Variants in KMT2D observed in about 807,000 individuals in gnomAD.
KMT2D encodes histone-lysine N-methyltransferase 2D.
A neutral mutation model predicts 512.7 loss-of-function variants in KMT2D; 55 were observed. That is an observed-to-expected ratio of 0.11 (90% CI 0.09 to 0.13). The LOEUF (loss-of-function observed/expected upper bound fraction) is 0.13. Ranked by LOEUF, KMT2D falls within the 10% of genes least tolerant of loss-of-function variation. The pLI is 1.00. For missense variants in KMT2D, 6,061 were observed against 7,127.9 expected (o/e 0.85, Z 5.39); for synonymous variants, 2,995 against 2,904.0 (o/e 1.03, Z -1.01).
In KMT2D at chr12:49,039,284, G is replaced by A. The variant is rs369611929; in HGVS notation, c.8304C>T (p.Ser2768=). The A allele has an allele frequency of 1.0e-4, 165 of 1,613,566 alleles. No homozygotes were observed. The highest frequency in any genetic ancestry group is 1.3e-4 in the Non-Finnish European group (153 of 1,179,878). ...GAGGTGGCCGGGAGAGTCGGTCATC[G>A]CTAGGGAAGGACCCTGGCCCCAGGA... ...GPILGPGSFP[S]DDRLSRPPPP... Residue 2768 remains serine (S), a synonymous_variant, in exon 34 of 55, where the codon AGC becomes AGT. Transcript: ENST00000301067. The surrounding 1 kb of genome is among the most constrained non-coding windows in gnomAD (Gnocchi z 5.0).
Position 49,031,983 on chromosome 12 carries a change from G to A in KMT2D, c.12722C>T (p.Pro4241Leu). The A allele has an allele frequency of 6.3e-7, 1 of 1,580,594 alleles. No homozygotes were observed. Among genetic ancestry groups the A allele is most frequent in the Non-Finnish European group, 8.6e-7 (1 of 1,160,790 alleles). Residue 4241 changes from proline to leucine, a missense_variant, in exon 40 of 55, where the codon CCA becomes CTA. Physicochemically the swap from Pro to Leu is moderately conservative, Grantham distance 98. Coordinates refer to ENST00000301067, the MANE Select transcript of KMT2D (RefSeq NM_003482.4). Reference sequence around the variant, plus strand: ...CTGGGTCCCAGGCTCCTGGTAGGGTGGGGTCTGGCGTACTGCCTGACTCTG... The same window carrying A: ...CTGGGTCCCAGGCTCCTGGTAGGGTAGGGTCTGGCGTACTGCCTGACTCTG... ...LQQSQAVRQTPPYQEPGTQTS... is the reference protein window; with the variant it reads ...LQQSQAVRQTLPYQEPGTQTS...
Position 49,049,878 on chromosome 12 carries a change from G to C in KMT2D, c.3710C>G (p.Ser1237Cys), listed in dbSNP as rs374437749. 6 of 1,613,774 alleles carry C rather than the reference G, an allele frequency of 3.7e-6. No individual in the cohort carries two copies. Among genetic ancestry groups the C allele is most frequent in the South Asian group, 1.1e-5 (1 of 91,086 alleles). The change falls in exon 12 of 55, where the codon TCC (serine) becomes TGC (cysteine). Residue 1237 changes from serine (S) to cysteine (C), a missense_variant. Around this residue, in one of 16 missense-constraint regions of KMT2D, gnomAD observed 447 missense variants for 500.1 expected, o/e 0.89. Coordinates refer to ENST00000301067, the MANE Select transcript of KMT2D (RefSeq NM_003482.4). Reference sequence around the variant, plus strand: ...AGAGACCCCCAACTCCATGGACAGGGAGCCACCCCCCTCCGGGTCTGGAGA... The same window carrying C: ...AGAGACCCCCAACTCCATGGACAGGCAGCCACCCCCCTCCGGGTCTGGAGA... ...LGSPDPEGGG[S>C]LSMELGVSTD... is the part of the protein sequence containing the mutation.
rs1054533530 is a variant in KMT2D at position 49,032,402 on chromosome 12, C to T, written c.12303G>A (p.Gln4101=). The T allele has an allele frequency of 1.3e-6, 2 of 1,599,042 alleles. No individual in the cohort carries two copies. Among genetic ancestry groups the T allele is most frequent in the South Asian group, 1.1e-5 (1 of 89,216 alleles). The change falls in exon 40 of 55, where the codon CAG becomes CAA. Residue 4101 remains glutamine (Q), a synonymous_variant. Transcript: ENST00000301067. ...LQPPLRLPGQ[Q]QQQVSLLHTA... is the part of the protein sequence containing the mutation. ...TGTGGAGCAGGCTAACTTGCTGCTG[C>T]TGTTGTCCTGGAAGCCTCAGAGGTG...
chr12:49,038,977 T>A lies in KMT2D; in HGVS notation c.8379A>T (p.Gly2793=), dbSNP rs1215420905. The change falls in exon 35 of 55, where the codon GGA becomes GGT. Residue 2793 remains glycine, a synonymous_variant. Coordinates refer to ENST00000301067, the MANE Select transcript of KMT2D (RefSeq NM_003482.4). This position sits in a 1 kb window ranked among gnomAD's most constrained non-coding sequence, Gnocchi z 5.7. The part of the protein sequence containing the change: ...SMDVNSRQLV[G]GSQAFYQRAP... ...CTCGCTGATAGAAAGCTTGGGAGCC[T>A]CCTACCAGTTGCCTGGAAGAATATA... The A allele has an allele frequency of 6.4e-7, 1 of 1,551,750 alleles. No individual in the cohort carries two copies. Among genetic ancestry groups the A allele is most frequent in the Admixed American group, 2.0e-5 (1 of 51,014 alleles).
rs865773998 is a variant in KMT2D, at chr12:49,032,029, G to A, written c.12676C>T (p.Leu4226Phe). 1 of 1,611,912 alleles carries A rather than the reference G, an allele frequency of 6.2e-7. No individual in the cohort carries two copies. The highest frequency in any genetic ancestry group is 1.7e-5 in the Admixed American group (1 of 59,942). The change falls in exon 40 of 55, where the codon CTC (leucine) becomes TTC (phenylalanine). Residue 4226 changes from leucine to phenylalanine, a missense_variant. This residue lies in a region of KMT2D where 1,600 missense variants were observed against 1,754.9 expected (regional missense o/e 0.91). Coordinates refer to ENST00000301067, the MANE Select transcript of KMT2D (RefSeq NM_003482.4). ...PQQQQQLQAL[L>F]MQRQLQQSQA... ...CTCTGCTGCAGCTGCCGCTGCATGA[G>A]GAGTGCCTGTAGCTGCTGCTGCTGC... is the stretch of plus-strand genomic sequence containing the variant.
Position 49,046,245 on chromosome 12 carries a change from A to G in KMT2D, c.4583+15T>C, listed in dbSNP as rs2120603269. The G allele has an allele frequency of 6.2e-7, 1 of 1,613,952 alleles. No homozygotes were observed. The highest frequency in any genetic ancestry group is 8.5e-7 in the Non-Finnish European group (1 of 1,179,836). ...TGGCAACAGGGCCAAAGTGAGGAGA[A>G]AGGGATGTTCTCACCGTTCACAGTG... is the stretch of plus-strand genomic sequence containing the variant. On this transcript the variant is annotated intron_variant, in intron 17 of 54. Coordinates refer to ENST00000301067, the MANE Select transcript of KMT2D (RefSeq NM_003482.4). This position sits in a 1 kb window ranked among gnomAD's most constrained non-coding sequence, Gnocchi z 4.2.
chr12:49,018,997 T>G lies in KMT2D; in HGVS notation c.*2783A>C. ...CGCTTGTATTTAAAATGTTCTTTTT[T>G]TATTTGTCGTTTAAAAACAAACTTG... On this transcript the variant is annotated 3_prime_UTR_variant, in exon 55 of 55. Transcript: ENST00000301067. The G allele has an allele frequency of 7.1e-7, 1 of 1,401,788 alleles. No individual in the cohort carries two copies. Among genetic ancestry groups the G allele is most frequent in the Non-Finnish European group, 9.2e-7 (1 of 1,082,048 alleles). The allele number at this position is 1,401,788 out of a possible 1,614,324, so 86.8% of individuals were successfully genotyped here. A position where few individuals can be genotyped will look rare whatever the true frequency, so the allele number is the denominator to read the frequency against.
rs1055367607 is a variant in KMT2D, at chr12:49,034,358, C to T, written c.10507+52G>A. ...AAGGGTAATCCCAATCCCTCTTCCT[C>T]CATATGACCCAAACCACTCCCCTGC... On this transcript the variant is annotated intron_variant, in intron 38 of 54. Transcript: ENST00000301067. 22 of 1,610,958 alleles carry T rather than the reference C, an allele frequency of 1.4e-5. No homozygotes were observed. In the African/African-American group the frequency reaches 2.5e-4, roughly 19 times the overall value.
chr12:49,029,356 T>TA, intron 44 of KMT2D, 45 bp downstream of exon 44: 1 of 1,557,148 alleles, frequency 6.4e-7, no homozygotes, highest in Non-Finnish European at 8.7e-7. Flanking sequence ...AGGCAACCTG[T>TA]ACCCCACCCT....
In KMT2D at chr12:49,031,727, G is replaced by A; in HGVS notation, c.12978C>T (p.Pro4326=). Residue 4326 remains proline, a synonymous_variant, in exon 40 of 55, where the codon CCC becomes CCT. Transcript: ENST00000301067. ...EPKRPSQLPS[P]SSQLPTEAQL... ...GGGCCTCAGTGGGAAGCTGGGAGCT[G>A]GGGGAAGGTAATTGTGAAGGTCTCT... 4.3e-6 allele frequency: 7 copies of A among 1,613,098 alleles called. No homozygotes were observed. Among genetic ancestry groups the A allele is most frequent in the South Asian group, 2.2e-5 (2 of 90,890 alleles).
At chr12:49,059,135 G>C (rs181099069) in intron 1 of KMT2D, among the ~76,000 whole-genome samples, 5 of 152,228 alleles carry the variant, frequency 3.3e-5, no homozygotes, top group Non-Finnish European at 5.9e-5. Flanking sequence ...GAGTTTTCCA[G>C]GGACTGCTTT....
Position 49,019,090 on chromosome 12 carries a change from G to A in KMT2D, c.*2690C>T, listed in dbSNP as rs550920375. 2 of 1,213,092 alleles carry A rather than the reference G, an allele frequency of 1.6e-6. No homozygotes were observed. The highest frequency in any genetic ancestry group is 4.7e-5 in the South Asian group (2 of 42,448). 75.1% of individuals were successfully genotyped at this position (1,213,092 alleles called of 1,614,324 possible). A position where few individuals can be genotyped will look rare whatever the true frequency, so the allele number is the denominator to read the frequency against. On this transcript the variant is annotated 3_prime_UTR_variant, in exon 55 of 55. Transcript: ENST00000301067. ...TAAATATGTACAGTTCAGAATGATC[G>A]CTGATACAAAACATGCCAAGGACAG...
chr12:49,031,071 T>A (rs1592114801), intron 40 of KMT2D, 38 bp from the exon 41 acceptor site: 1 of 1,612,632 alleles, frequency 6.2e-7, no homozygotes, highest in African/African-American at 1.3e-5. Context: ...GCTACCCTCC[T>A]CCTCAGAGCC....
At position 49,051,527 on chromosome 12, in the gene KMT2D, G is replaced by A. The variant is rs185660524; in HGVS notation, c.2156C>T (p.Pro719Leu). Reference sequence around the variant, plus strand: ...TGGCAACAGGGGTGACTCCTCCAGCGGCAGGGACATGAGCGAGTCCTCCGG... The same window carrying A: ...TGGCAACAGGGGTGACTCCTCCAGCAGCAGGGACATGAGCGAGTCCTCCGG... ...PPPEDSLMSL[P>L]LEESPLLPLP... Residue 719 changes from proline (P) to leucine (L), a missense_variant, in exon 11 of 55, where the codon CCG becomes CTG. Transcript: ENST00000301067. 6.5e-4 allele frequency: 1,041 copies of A among 1,613,556 alleles called. 12 individuals are homozygous for A. The Admixed American group carries it at 0.013, about 20-fold the overall frequency.
Position 49,054,823 on chromosome 12 carries a change from C to T in KMT2D, c.177-72G>A. 2 of 1,604,542 alleles carry T rather than the reference C, an allele frequency of 1.2e-6. No homozygotes were observed. The highest frequency in any genetic ancestry group is 2.2e-5 in the East Asian group (1 of 44,670). On this transcript the variant is annotated intron_variant, in intron 3 of 54. Coordinates refer to ENST00000301067, the MANE Select transcript of KMT2D (RefSeq NM_003482.4). The surrounding 1 kb of genome is among the most constrained non-coding windows in gnomAD (Gnocchi z 6.4). ...CATGATCTGGCATGCCCATGCTTCC[C>T]CAACACTCATTTTCCTAAATTCTCT...
intron 44 of KMT2D, 61 bp from the exon 45 acceptor site, chr12:49,029,297 A>T: frequency 6.3e-7 from 1 of 1,592,302 alleles, no homozygotes; most frequent in Non-Finnish European, 8.6e-7. Flanking sequence ...CCAAATCTAG[A>T]GATGAATAGA....
In KMT2D at chr12:49,044,234, C is replaced by T. The variant is rs367970485; in HGVS notation, c.5154G>A (p.Ala1718=). Reference sequence around the variant, plus strand: ...GCTGCCCATCCCCACTCAACACCTCCGCCTGTGCAGCAGGCCCCTTTTTCG... The same window carrying T: ...GCTGCCCATCCCCACTCAACACCTCTGCCTGTGCAGCAGGCCCCTTTTTCG... The part of the protein sequence containing the change: ...TRTKKGPAAQ[A]EVLSGDGQPD... Residue 1718 remains alanine (A), a synonymous_variant, in exon 22 of 55, where the codon GCG becomes GCA. Coordinates refer to ENST00000301067, the MANE Select transcript of KMT2D (RefSeq NM_003482.4). This position sits in a 1 kb window ranked among gnomAD's most constrained non-coding sequence, Gnocchi z 6.4. The T allele has an allele frequency of 8.1e-6, 13 of 1,612,276 alleles. No individual in the cohort carries two copies. Among genetic ancestry groups the T allele is most frequent in the African/African-American group, 1.3e-5 (1 of 74,972 alleles).
chr12:49,039,466 C>G lies in KMT2D; in HGVS notation c.8198G>C (p.Ser2733Thr), dbSNP rs765431503. 2.5e-6 allele frequency: 4 copies of G among 1,605,092 alleles called. No individual in the cohort carries two copies. In the South Asian group the frequency reaches 4.4e-5, roughly 18 times the overall value. Residue 2733 changes from serine to threonine, a missense_variant, in exon 33 of 55, where the codon AGT becomes ACT. Ser to Thr is a moderately conservative substitution (Grantham distance 58). Coordinates refer to ENST00000301067, the MANE Select transcript of KMT2D (RefSeq NM_003482.4). The surrounding 1 kb of genome is among the most constrained non-coding windows in gnomAD (Gnocchi z 5.0). ...EPSSPAFEQL[S>T]RGQTPFAGTQ... is the part of the protein sequence containing the mutation. Reference sequence around the variant, plus strand: ...CCCAGCAAAGGGGGTCTGGCCTCGACTCAGCTGCTCAAAGGCAGGGCTGCT... The same window carrying G: ...CCCAGCAAAGGGGGTCTGGCCTCGAGTCAGCTGCTCAAAGGCAGGGCTGCT...
In KMT2D at chr12:49,047,012, A is replaced by AT. The variant is rs572579798; in HGVS notation, c.4237-223dup. Among the ~76,000 whole-genome samples, 338 of 151,978 alleles carry AT rather than the reference A, an allele frequency of 2.2e-3. 2 individuals carry two copies. The highest frequency in any genetic ancestry group is 4.7e-3 in the African/African-American group (195 of 41,450). ...AGGCACCTGCCACCACACCTGGCTA[A>AT]TTTTTTTGTATTTAGTAGAGTCAGA... On this transcript the variant is annotated intron_variant, in intron 15 of 54. Transcript: ENST00000301067.
Sources: allele counts gnomAD v4.1 joint callset (sites outside exome capture counted in the v4.1 genomes callset), GRCh38; gene constraint gnomAD v4.1.1; regional missense constraint gnomAD v4.1.1; non-coding constraint Gnocchi (gnomAD v3.1); transcripts MANE v1.5; gene names NCBI Gene and HGNC (gene_info 2026-07-23, HGNC 2026-07-21).